The following CFAP99 variants were observed in gnomAD, a reference collection of about 807,000 sequenced individuals.
CFAP99 encodes the protein cilia and flagella associated protein 99, also known as cilia- and flagella-associated protein 99.
CFAP99 carries 84 observed loss-of-function variants against 82.7 expected under a neutral mutation model. That is an observed-to-expected ratio of 1.02 (90% CI 0.85 to 1.22). The LOEUF (loss-of-function observed/expected upper bound fraction) is 1.22. CFAP99 is among the 50% of genes most tolerant of loss of function. CFAP99 has a pLI of 0.00. For missense variants in CFAP99, 1,059 were observed against 983.5 expected, an observed-to-expected ratio of 1.08 and a Z score of -1.03; for synonymous variants, 456 against 429.5, an observed-to-expected ratio of 1.06 and a Z score of -0.76.
intron 10 of CFAP99, 85 bp downstream of exon 10, chr4:2,451,437 C>A: frequency 2.2e-6 from 3 of 1,338,566 alleles, no homozygotes; most frequent in Non-Finnish European, 3.1e-6. Flanking sequence ...GGGGGCTGGG[C>A]AGCTCAGTGG....
chr4:2,437,418 T>A (rs1284491900), intron 3 of CFAP99, among the ~76,000 whole-genome samples: 2 of 152,216 alleles, frequency 1.3e-5, no homozygotes, highest in Non-Finnish European at 2.9e-5. Flanking sequence ...CTGGGCTTCC[T>A]GCAGCCTCTG....
intron 13 of CFAP99, 86 bp from the exon 14 acceptor site, chr4:2,459,951 G>GC (rs1007895826): frequency 8.2e-5 from 100 of 1,222,148 alleles, no homozygotes; most frequent in Non-Finnish European, 1.1e-4. Flanking sequence ...CAAGGGGTGG[G>GC]CCTATGGAAC....
intron 4 of CFAP99, among the ~76,000 whole-genome samples, chr4:2,442,136 T>G (rs1254417695): frequency 6.6e-6 from 1 of 151,982 alleles, no homozygotes. Flanking sequence ...GCTGAGACGC[T>G]GAGTGTGGGG....
intron 4 of CFAP99, among the ~76,000 whole-genome samples, chr4:2,442,622 C>T (rs894324714): frequency 6.6e-6 from 1 of 152,156 alleles, no homozygotes; most frequent in Non-Finnish European, 1.5e-5. Context: ...CTTCTGGGGC[C>T]GTCACCATGG....
chr4:2,431,891 T>A lies in CFAP99; in HGVS notation c.112-4983T>A, dbSNP rs564650079. Among the ~76,000 whole-genome samples the A allele has an allele frequency of 3.3e-5, 5 of 152,302 alleles. No individual in the cohort carries two copies. The South Asian group carries it at 1.0e-3, about 32-fold the overall frequency. ...GCCACCACACCTGGCCAGCTTTGTGTATTTATAATCATCGTTTCTCTTGTT... is the reference window on the plus strand; with the variant it reads ...GCCACCACACCTGGCCAGCTTTGTGAATTTATAATCATCGTTTCTCTTGTT... On this transcript the variant is annotated intron_variant, in intron 2 of 14. Transcript: ENST00000635017.
In CFAP99 at chr4:2,462,609, A is replaced by T; in HGVS notation, c.1828A>T (p.Ser610Cys). ...GACCGCGCGCCCCAAGCCCCGGGTG[A>T]GTCCGGATTGGTGGGAGGAGCCCGG... is the stretch of plus-strand genomic sequence containing the variant. Residue 610 changes from serine (S) to cysteine (C), a missense_variant, in exon 15 of 15, where the codon AGT becomes TGT. By Grantham distance (112) the Ser-to-Cys change is moderately radical. Coordinates refer to ENST00000635017, the Ensembl canonical transcript of CFAP99. This position sits in a 1 kb window ranked among gnomAD's most constrained non-coding sequence, Gnocchi z 4.1. The T allele has an allele frequency of 7.2e-7, 1 of 1,387,512 alleles. No individual in the cohort carries two copies. Among genetic ancestry groups the T allele is most frequent in the Non-Finnish European group, 9.3e-7 (1 of 1,072,968 alleles). The allele number at this position is 1,387,512 out of a possible 1,614,324, so 86.0% of individuals were successfully genotyped here.
At chr4:2,454,055 G>A (rs1225830809) in intron 11 of CFAP99, among the ~76,000 whole-genome samples, 1 of 152,032 alleles carries the variant, frequency 6.6e-6, no homozygotes, top group East Asian at 1.9e-4. Flanking sequence ...CTGGAGTGCA[G>A]TGGCATGATC....
At chr4:2,437,967 T>C in intron 3 of CFAP99, 103 bp from the exon 4 acceptor site, 1 of 658,442 alleles carries the variant, frequency 1.5e-6, no homozygotes, top group African/African-American at 1.8e-5. Context: ...GGTTTTCCTG[T>C]GGCTGCGTGC....
At chr4:2,432,459 G>A (rs1437819911) in intron 2 of CFAP99, among the ~76,000 whole-genome samples, 1 of 152,184 alleles carries the variant, frequency 6.6e-6, no homozygotes, top group Non-Finnish European at 1.5e-5. Context: ...TGCAGCCTCC[G>A]TTTCCTTTGC....
chr4:2,442,402 CT>C (rs1190641275), intron 4 of CFAP99, among the ~76,000 whole-genome samples: 1 of 152,112 alleles, frequency 6.6e-6, no homozygotes, highest in African/African-American at 2.4e-5. Flanking sequence ...CCCTGGTTTC[CT>C]CTGCATGGAG....
intron 6 of CFAP99, 77 bp downstream of exon 6, chr4:2,445,385 C>G: frequency 8.2e-7 from 1 of 1,214,760 alleles, no homozygotes; most frequent in Non-Finnish European, 1.0e-6. Context: ...ACTGTGTGGG[C>G]CTGTGGGGGA....
rs192759403 is a variant in CFAP99, at chr4:2,452,924, A to G, written c.1161+578A>G. 3.5e-3 allele frequency among the ~76,000 whole-genome samples: 539 copies of G among 152,158 alleles called. 7 individuals are homozygous for G. The highest frequency in any genetic ancestry group is 0.013 in the African/African-American group (528 of 41,534). On this transcript the variant is annotated intron_variant, in intron 11 of 14. Coordinates refer to ENST00000635017, the Ensembl canonical transcript of CFAP99. ...TAAAAAATACAAAAATTAGCCGGGC[A>G]TGGTGGTGCGTGCCCGTAGTGCCAC... is the stretch of plus-strand genomic sequence containing the variant.
chr4:2,441,626 G>A (rs565633137), intron 4 of CFAP99, among the ~76,000 whole-genome samples: 2 of 152,302 alleles, frequency 1.3e-5, no homozygotes, highest in South Asian at 4.1e-4. Context: ...GCCTCTGGAG[G>A]CAGATCCATG....
At chr4:2,452,316 C>T (rs747770075) in exon 11 of CFAP99, 2 of 1,534,898 alleles carry the variant, frequency 1.3e-6, no homozygotes, top group Non-Finnish European at 1.7e-6. Flanking sequence ...TGCAGGAGAA[C>T]AAGCAGAGGG....
chr4:2,461,930 ATT>A (rs1206280253), intron 14 of CFAP99, among the ~76,000 whole-genome samples: 1 of 151,926 alleles, frequency 6.6e-6, no homozygotes, highest in African/African-American at 2.4e-5. Flanking sequence ...AGGCTTTCAC[ATT>A]TGTACCCCAG....
At chr4:2,426,034 C>A (rs1180259227) in intron 1 of CFAP99, among the ~76,000 whole-genome samples, 1 of 152,218 alleles carries the variant, frequency 6.6e-6, no homozygotes, top group East Asian at 1.9e-4. Context: ...CCTTCCCGGG[C>A]AAAGCTGAGG....
rs1734518142 is a variant in CFAP99, at chr4:2,459,259, GT to G, written c.1455+2del. ...GGGCAAGCTCGTGGACCTGACCCAG[GT>G]GAGGATGCAGTCCTGGACGGGCCCA... On this transcript the variant is annotated splice_donor_variant, in intron 13 of 14. Coordinates refer to ENST00000635017, the Ensembl canonical transcript of CFAP99. LOFTEE classifies it high-confidence loss of function. The G allele has an allele frequency of 6.5e-7, 1 of 1,531,872 alleles. No individual in the cohort carries two copies. 94.9% of individuals were successfully genotyped at this position (1,531,872 alleles called of 1,614,324 possible).
intron 1 of CFAP99, among the ~76,000 whole-genome samples, chr4:2,425,131 T>C (rs1733658031): frequency 6.6e-6 from 1 of 152,238 alleles, no homozygotes; most frequent in Non-Finnish European, 1.5e-5. Context: ...CCCTCTCTTT[T>C]TCTCCAGCCA....
chr4:2,440,164 T>TTTTTTTTTTTTTTTA, intron 4 of CFAP99, among the ~76,000 whole-genome samples: 1 of 128,520 alleles, frequency 7.8e-6, no homozygotes, highest in Middle Eastern at 4.2e-3. Flanking sequence ...TTTTTTTTTT[T>TTTTTTTTTTTTTTTA]GAGACGGAGT....
Sources: allele counts gnomAD v4.1 joint callset (sites outside exome capture counted in the v4.1 genomes callset), GRCh38; gene constraint gnomAD v4.1.1; non-coding constraint Gnocchi (gnomAD v3.1); transcripts MANE v1.5; gene names NCBI Gene and HGNC (gene_info 2026-07-23, HGNC 2026-07-21).